The following IRS2 variants were observed in gnomAD, a reference collection of about 807,000 sequenced individuals.
IRS2 encodes the protein insulin receptor substrate 2.
A neutral mutation model predicts 70.9 loss-of-function variants in IRS2; 28 were observed. That is an observed-to-expected ratio of 0.39 (90% CI 0.29 to 0.54). The LOEUF is 0.54. IRS2 is among the 20% of genes least tolerant of loss of function. IRS2 has a pLI of 0.59. For synonymous variants in IRS2, 1,217 were observed against 981.9 expected (o/e 1.24, Z -4.48); for missense variants, 2,081 against 2,024.1 (o/e 1.03, Z -0.54).
At position 109,784,592 on chromosome 13, in the gene IRS2, C is replaced by T. The variant is rs2138936301; in HGVS notation, c.1462G>A (p.Ala488Thr). 1 of 1,356,570 alleles carries T rather than the reference C, an allele frequency of 7.4e-7. No individual in the cohort carries two copies. The highest frequency in any genetic ancestry group is 9.4e-7 in the Non-Finnish European group (1 of 1,059,766). 84.0% of individuals were successfully genotyped at this position (1,356,570 alleles called of 1,614,324 possible). ...CCGGGGTCGCTGGGGGAGCCCGAGGCGGAGGCGCTGCCGCTGGAGGGCCGC... is the reference window on the plus strand; with the variant it reads ...CCGGGGTCGCTGGGGGAGCCCGAGGTGGAGGCGCTGCCGCTGGAGGGCCGC... Reference protein sequence around the residue: ...GQRPSSGSASASGSPSDPGFM... With the variant: ...GQRPSSGSASTSGSPSDPGFM... Residue 488 changes from alanine to threonine, a missense_variant, in exon 1 of 2, where the codon GCC (alanine) becomes ACC (threonine). By Grantham distance (58) the Ala-to-Thr change is moderately conservative. This residue lies in a region of IRS2 where 1,615 missense variants were observed against 1,459.5 expected (regional missense o/e 1.11). Transcript: ENST00000375856. This position sits in a 1 kb window ranked among gnomAD's most constrained non-coding sequence, Gnocchi z 5.2.
chr13:109,756,057 A>G lies in IRS2; in HGVS notation c.*247T>C, dbSNP rs1877099888. 2.1e-6 allele frequency: 1 copy of G among 479,804 alleles called. No homozygotes were observed. The highest frequency in any genetic ancestry group is 3.7e-6 in the Non-Finnish European group (1 of 266,864). The allele number at this position is 479,804 out of a possible 1,614,324, so 29.7% of individuals were successfully genotyped here. On this transcript the variant is annotated 3_prime_UTR_variant, in exon 2 of 2. Coordinates refer to ENST00000375856, the MANE Select transcript of IRS2 (RefSeq NM_003749.3). Reference sequence around the variant, plus strand: ...AATAACTTCTTCAGCTAATTTTGTTAAAACAAAACAAAACAAAACGCAAAC... The same window carrying G: ...AATAACTTCTTCAGCTAATTTTGTTGAAACAAAACAAAACAAAACGCAAAC...
chr13:109,762,877 G>A lies in IRS2; in HGVS notation c.4013-6569C>T, dbSNP rs115845450. Among the ~76,000 whole-genome samples, 344 of 152,320 alleles carry A rather than the reference G, an allele frequency of 2.3e-3. 2 individuals carry two copies. Among genetic ancestry groups the A allele is most frequent in the African/African-American group, 8.1e-3 (335 of 41,572 alleles). Reference sequence around the variant, plus strand: ...TTTTCTAAAACAGAACGAAGCTTTAGGACTGCGTGAGACCCAGAAGAAAAG... The same window carrying A: ...TTTTCTAAAACAGAACGAAGCTTTAAGACTGCGTGAGACCCAGAAGAAAAG... On this transcript the variant is annotated intron_variant, in intron 1 of 1. Transcript: ENST00000375856.
At chr13:109,781,246 A>C (rs78996156) in intron 1 of IRS2, among the ~76,000 whole-genome samples, 4,386 of 152,262 alleles carry the variant, frequency 0.029, 70 homozygotes, top group East Asian at 0.043. Flanking sequence ...GGCCAGCAGC[A>C]TCGGCATTAT....
Position 109,785,175 on chromosome 13 carries a change from C to T in IRS2, c.879G>A (p.Ala293=), listed in dbSNP as rs138814607. The T allele has an allele frequency of 2.8e-4, 443 of 1,600,856 alleles. No homozygotes were observed. The African/African-American group carries it at 5.0e-3, about 18-fold the overall frequency. The change falls in exon 1 of 2, where the codon GCG becomes GCA. Residue 293 remains alanine, a synonymous_variant. Coordinates refer to ENST00000375856, the MANE Select transcript of IRS2 (RefSeq NM_003749.3). This position sits in a 1 kb window ranked among gnomAD's most constrained non-coding sequence, Gnocchi z 9.3. ...IHETILEAMK[A]LKELFEFRPR... is the part of the protein sequence containing the mutation. ...GCCGGAACTCGAAGAGCTCCTTGAG[C>T]GCCTTCATGGCCTCCAGGATGGTCT...
At chr13:109,772,613 G>A (rs1877478109) in intron 1 of IRS2, among the ~76,000 whole-genome samples, 1 of 152,098 alleles carries the variant, frequency 6.6e-6, no homozygotes. Flanking sequence ...TCTTGATGCT[G>A]AGAGGCCTGA....
intron 1 of IRS2, among the ~76,000 whole-genome samples, chr13:109,762,152 T>C (rs181896685): frequency 2.0e-5 from 3 of 152,306 alleles, no homozygotes; most frequent in African/African-American, 7.2e-5. Context: ...ACACGGTTCT[T>C]TTCTGAGTGT....
rs1877041218 is a variant in IRS2, at chr13:109,753,628, T to G, written c.*2676A>C. Reference sequence around the variant, plus strand: ...TCTGTTTTGTAGAGTACATCGAATGTTCTGTTTTGTTATATAACACATTTA... The same window carrying G: ...TCTGTTTTGTAGAGTACATCGAATGGTCTGTTTTGTTATATAACACATTTA... On this transcript the variant is annotated 3_prime_UTR_variant, in exon 2 of 2. Transcript: ENST00000375856. 1 of 172,516 alleles carries G rather than the reference T, an allele frequency of 5.8e-6. No individual in the cohort carries two copies. Among genetic ancestry groups the G allele is most frequent in the East Asian group, 1.1e-4 (1 of 9,356 alleles). The allele number at this position is 172,516 out of a possible 1,614,324, so 10.7% of individuals were successfully genotyped here.
At position 109,782,877 on chromosome 13, in the gene IRS2, G is replaced by A. The variant is rs754995751; in HGVS notation, c.3177C>T (p.Ala1059=). Residue 1059 remains alanine (A), a synonymous_variant, in exon 1 of 2, where the codon GCC becomes GCT. Coordinates refer to ENST00000375856, the MANE Select transcript of IRS2 (RefSeq NM_003749.3). ...AVATAQGPGA[A]SSLSSDTGDN... ...CCCCGGTGTCCGAGGACAACGATGA[G>A]GCGGCGCCCGGGCCCTGGGCGGTGG... 7.7e-6 allele frequency: 12 copies of A among 1,567,762 alleles called. No homozygotes were observed. The Admixed American group carries it at 1.7e-4, about 22-fold the overall frequency.
chr13:109,777,352 AGT>A (rs1877601527), intron 1 of IRS2, among the ~76,000 whole-genome samples: 1 of 152,214 alleles, frequency 6.6e-6, no homozygotes, highest in African/African-American at 2.4e-5. Context: ...AAAATGCATT[AGT>A]GGGAATTTTA....
At chr13:109,770,620 T>A (rs1043254596) in intron 1 of IRS2, among the ~76,000 whole-genome samples, 1 of 152,040 alleles carries the variant, frequency 6.6e-6, no homozygotes, top group African/African-American at 2.4e-5. Context: ...AACATCCCAT[T>A]CTCTGTGCTC....
At position 109,783,041 on chromosome 13, in the gene IRS2, G is replaced by A; in HGVS notation, c.3013C>T (p.Leu1005Phe). Residue 1005 changes from leucine to phenylalanine, a missense_variant, in exon 1 of 2, where the codon CTC becomes TTC. By Grantham distance (22) the Leu-to-Phe change is conservative. Transcript: ENST00000375856. ...SGHPVGSLDGLLSPEASSPYP... is the reference protein window; with the variant it reads ...SGHPVGSLDGFLSPEASSPYP... Reference sequence around the variant, plus strand: ...GGGGAGGAGGCCTCGGGGGACAGGAGGCCGTCCAAGGAGCCCACGGGGTGG... The same window carrying A: ...GGGGAGGAGGCCTCGGGGGACAGGAAGCCGTCCAAGGAGCCCACGGGGTGG... 1.5e-5 allele frequency: 20 copies of A among 1,367,990 alleles called. No individual in the cohort carries two copies. Among genetic ancestry groups the A allele is most frequent in the Non-Finnish European group, 1.9e-5 (20 of 1,066,112 alleles). 84.7% of individuals were successfully genotyped at this position (1,367,990 alleles called of 1,614,324 possible). A position where few individuals can be genotyped will look rare whatever the true frequency, so the allele number is the denominator to read the frequency against.
chr13:109,768,700 G>A (rs907132324), intron 1 of IRS2, among the ~76,000 whole-genome samples: 3 of 152,162 alleles, frequency 2.0e-5, no homozygotes, highest in African/African-American at 4.8e-5. Context: ...GTCTGTCAGA[G>A]GGAAAGACCT....
rs2138929797 is a variant in IRS2, at chr13:109,782,471, C to A, written c.3583G>T (p.Gly1195Ter). Residue 1195 changes from glycine to a stop codon, truncating the protein, a stop_gained, in exon 1 of 2, where the codon GGA (glycine) becomes TGA (stop). Transcript: ENST00000375856. LOFTEE classifies it high-confidence loss of function. ...GAGGTGGGCGGCTCGTCGCCCCCTCCAGGGCCGACACCCACGCCGCCCTCG... is the reference window on the plus strand; with the variant it reads ...GAGGTGGGCGGCTCGTCGCCCCCTCAAGGGCCGACACCCACGCCGCCCTCG... ...SSEGGVGVGPGGGDEPPTSPR... is the reference protein window; with the variant it reads ...SSEGGVGVGP 6.4e-7 allele frequency: 1 copy of A among 1,562,494 alleles called. No individual in the cohort carries two copies. The highest frequency in any genetic ancestry group is 1.9e-5 in the Admixed American group (1 of 53,110).
chr13:109,756,445 A>T lies in IRS2; in HGVS notation c.4013-137T>A. 6.7e-6 allele frequency: 5 copies of T among 744,970 alleles called. 1 individual carries two copies. The South Asian group carries it at 7.4e-5, about 11-fold the overall frequency. The allele number at this position is 744,970 out of a possible 1,614,324, so 46.1% of individuals were successfully genotyped here. ...AACTGATGACCTTTGAGAAAGAAAC[A>T]TGTATTCATTCTGTTTTCCAGAGGT... On this transcript the variant is annotated intron_variant, in intron 1 of 1. Coordinates refer to ENST00000375856, the MANE Select transcript of IRS2 (RefSeq NM_003749.3).
chr13:109,785,266 G>A lies in IRS2; in HGVS notation c.788C>T (p.Ala263Val), dbSNP rs1229331758. 6.2e-7 allele frequency: 1 copy of A among 1,606,940 alleles called. No homozygotes were observed. Among genetic ancestry groups the A allele is most frequent in the East Asian group, 2.2e-5 (1 of 44,486 alleles). Residue 263 changes from alanine to valine, a missense_variant, in exon 1 of 2, where the codon GCC (alanine) becomes GTC (valine). By Grantham distance (64) the Ala-to-Val change is moderately conservative. Coordinates refer to ENST00000375856, the MANE Select transcript of IRS2 (RefSeq NM_003749.3). This position sits in a 1 kb window ranked among gnomAD's most constrained non-coding sequence, Gnocchi z 9.3. ...SFFFIEVGRSAVTGPGELWMQ... is the reference protein window; with the variant it reads ...SFFFIEVGRSVVTGPGELWMQ... Reference sequence around the variant, plus strand: ...CCACAGCTCGCCGGGGCCTGTGACGGCCGAGCGGCCCACCTCGATGAAGAA... The same window carrying A: ...CCACAGCTCGCCGGGGCCTGTGACGACCGAGCGGCCCACCTCGATGAAGAA...
rs1302286908 is a variant in IRS2 at position 109,784,976 on chromosome 13, G to A, written c.1078C>T (p.Arg360Trp). The A allele has an allele frequency of 7.8e-7, 1 of 1,278,020 alleles. No individual in the cohort carries two copies. The highest frequency in any genetic ancestry group is 4.3e-5 in the Admixed American group (1 of 23,466). The allele number at this position is 1,278,020 out of a possible 1,614,324, so 79.2% of individuals were successfully genotyped here. Reference protein sequence around the residue: ...TPPAAKCSSCRVRTASEGDGG... With the variant: ...TPPAAKCSSCWVRTASEGDGG... ...TCGCCCTCGCTGGCGGTGCGCACCC[G>A]GCACGAGCTGCACTTGGCCGCCGGC... Residue 360 changes from arginine (R) to tryptophan (W), a missense_variant, in exon 1 of 2, where the codon CGG becomes TGG. Around this residue, in one of 4 missense-constraint regions of IRS2, gnomAD observed 111 missense variants for 133.1 expected, o/e 0.83. Transcript: ENST00000375856. This position sits in a 1 kb window ranked among gnomAD's most constrained non-coding sequence, Gnocchi z 5.2.
intron 1 of IRS2, among the ~76,000 whole-genome samples, chr13:109,758,907 A>T (rs1877166569): frequency 6.7e-6 from 1 of 150,238 alleles, no homozygotes. Context: ...GAGGAAGGGG[A>T]AGGAAAGAAA....
intron 1 of IRS2, among the ~76,000 whole-genome samples, chr13:109,763,988 T>C (rs1877282266): frequency 6.6e-6 from 1 of 152,208 alleles, no homozygotes; most frequent in Non-Finnish European, 1.5e-5. Context: ...GATTTCAGCT[T>C]TGTCTCTCCA....
In IRS2 at chr13:109,755,476, T is replaced by A. The variant is rs866103858; in HGVS notation, c.*828A>T. ...TACATAAACATCTACATCGAGAAGA[T>A]TAAACAAGTCTGTTAAAGGTAAAAA... On this transcript the variant is annotated 3_prime_UTR_variant, in exon 2 of 2. Coordinates refer to ENST00000375856, the MANE Select transcript of IRS2 (RefSeq NM_003749.3). 1.1e-4 allele frequency: 24 copies of A among 216,646 alleles called. No individual in the cohort carries two copies. The highest frequency in any genetic ancestry group is 3.5e-4 in the Admixed American group (6 of 17,196). 13.4% of individuals were successfully genotyped at this position (216,646 alleles called of 1,614,324 possible). A position where few individuals can be genotyped will look rare whatever the true frequency, so the allele number is the denominator to read the frequency against.
Sources: gnomAD v4.1 joint callset for allele counts (sites outside exome capture counted in the v4.1 genomes callset) on GRCh38, gnomAD v4.1.1 for gene constraint, gnomAD v4.1.1 regional missense constraint, Gnocchi (gnomAD v3.1) non-coding constraint, MANE v1.5 for transcripts, NCBI Gene and HGNC (gene_info 2026-07-23, HGNC 2026-07-21) for gene names.